RRAGC: variants seen among roughly 807,000 people sequenced by gnomAD.
RRAGC encodes ras-related GTP-binding protein C.
Under a neutral mutation model 37.1 loss-of-function variants are expected in RRAGC, and 8 were observed. The ratio of observed to expected loss-of-function variants is 0.22; its 90% CI spans 0.13 to 0.39. The LOEUF is 0.39. Among genes scored for constraint, RRAGC ranks in the 10% least tolerant of loss-of-function variants. The pLI, the probability that RRAGC is intolerant of heterozygous loss-of-function variation, is 1.00. For missense variants in RRAGC, 342 were observed against 497.6 expected (o/e 0.69, Z 2.98); for synonymous variants, 190 against 181.1 (o/e 1.05, Z -0.39).
Position 38,859,400 on chromosome 1 carries a change from C to A in RRAGC, c.237+10G>T. 1 of 1,547,204 alleles carries A rather than the reference C, an allele frequency of 6.5e-7. No homozygotes were observed. The highest frequency in any genetic ancestry group is 8.7e-7 in the Non-Finnish European group (1 of 1,145,848). On this transcript the variant is annotated intron_variant, in intron 1 of 6. Coordinates refer to ENST00000373001, the MANE Select transcript of RRAGC (RefSeq NM_022157.4). ...GGAGGGGGCGGGGGACTGGGCGCAG[C>A]CCTGCTCACCTTCTGGATGGAGGAC...
intron 6 of RRAGC, among the ~76,000 whole-genome samples, chr1:38,841,818 CAAAAT>C (rs1641967109): frequency 6.6e-6 from 1 of 152,022 alleles, no homozygotes; most frequent in South Asian, 2.1e-4. Context: ...ATTCCCATCT[CAAAAT>C]AAAAACACAA....
chr1:38,850,792 G>A (rs1642092023), intron 5 of RRAGC, among the ~76,000 whole-genome samples: 1 of 151,884 alleles, frequency 6.6e-6, no homozygotes, highest in South Asian at 2.1e-4. Flanking sequence ...ATATACCAGG[G>A]GAATCTAGGA....
chr1:38,843,481 G>A (rs568727506), intron 6 of RRAGC, among the ~76,000 whole-genome samples: 4 of 152,252 alleles, frequency 2.6e-5, no homozygotes, highest in African/African-American at 9.6e-5. Flanking sequence ...AGCACTTTGG[G>A]AGGCCGAGGC....
intron 6 of RRAGC, 63 bp from the exon 7 acceptor site, chr1:38,839,767 G>T (rs1482405839): frequency 9.8e-6 from 15 of 1,535,708 alleles, no homozygotes; most frequent in Non-Finnish European, 1.3e-5. Context: ...TTATATTTGG[G>T]TTTGCAGCCA....
At chr1:38,857,870 G>C (rs1481183707) in intron 1 of RRAGC, among the ~76,000 whole-genome samples, 2 of 152,082 alleles carry the variant, frequency 1.3e-5, no homozygotes, top group Admixed American at 6.5e-5. Context: ...TGAGGCAGGA[G>C]AATCACTTGA....
intron 3 of RRAGC, among the ~76,000 whole-genome samples, chr1:38,854,730 C>T (rs1642146318): frequency 1.3e-5 from 2 of 152,064 alleles, no homozygotes; most frequent in Admixed American, 6.6e-5. Context: ...TGAGACTTTT[C>T]GACATGGTTT....
rs140692971 is a variant in RRAGC, at chr1:38,850,133, G to C, written c.899+1482C>G. Among the ~76,000 whole-genome samples, 456 of 152,126 alleles carry C rather than the reference G, an allele frequency of 3.0e-3. 4 individuals are homozygous for C. Among genetic ancestry groups the C allele is most frequent in the African/African-American group, 0.011 (440 of 41,492 alleles). ...ACGCAGGAGAATCGTTTGAACCCAG[G>C]AGGCGGAGATTGCAGTGAGCTGAGA... On this transcript the variant is annotated intron_variant, in intron 5 of 6. Coordinates refer to ENST00000373001, the MANE Select transcript of RRAGC (RefSeq NM_022157.4).
intron 3 of RRAGC, among the ~76,000 whole-genome samples, chr1:38,855,282 CTG>C (rs1458085339): frequency 1.1e-4 from 17 of 152,340 alleles, no homozygotes; most frequent in Middle Eastern, 3.4e-3. Context: ...AGTGCACTCT[CTG>C]TATAAGGCTG....
intron 6 of RRAGC, among the ~76,000 whole-genome samples, chr1:38,844,147 C>T (rs938495692): frequency 4.6e-5 from 7 of 152,110 alleles, no homozygotes; most frequent in African/African-American, 1.7e-4. Context: ...AAGGTATCTA[C>T]ACTTGGACAG....
chr1:38,842,683 T>C (rs1641979071), intron 6 of RRAGC, among the ~76,000 whole-genome samples: 1 of 152,216 alleles, frequency 6.6e-6, no homozygotes, highest in African/African-American at 2.4e-5. Context: ...CCTAGAGAAA[T>C]TCTCCACACG....
chr1:38,859,300 C>G (rs760954234), intron 1 of RRAGC, 110 bp downstream of exon 1: 10 of 1,013,340 alleles, frequency 9.9e-6, no homozygotes, highest in Non-Finnish European at 1.3e-5. Context: ...AGAGAAAGTG[C>G]GGAGGGACGG....
At chr1:38,857,146 C>A in intron 1 of RRAGC, 64 bp from the exon 2 acceptor site, 1 of 1,338,478 alleles carries the variant, frequency 7.5e-7, no homozygotes, top group South Asian at 1.3e-5. Context: ...TAAAATTCCA[C>A]CCTGGTTTAA....
chr1:38,856,788 T>G (rs1642172537), intron 2 of RRAGC, 91 bp downstream of exon 2: 11 of 1,268,994 alleles, frequency 8.7e-6, no homozygotes, highest in Non-Finnish European at 1.2e-5. Context: ...AGAGATAAGC[T>G]GCAACCACAT....
In RRAGC at chr1:38,839,722, A is replaced by C; in HGVS notation, c.1049-18T>G. 2 of 1,612,544 alleles carry C rather than the reference A, an allele frequency of 1.2e-6. No homozygotes were observed. The highest frequency in any genetic ancestry group is 1.7e-6 in the Non-Finnish European group (2 of 1,178,966). ...TATTAAACCTGCAGGAAGGAAAAAG[A>C]AAAGAATGCCTCCTGAATTGTCAAT... On this transcript the variant is annotated intron_variant, in intron 6 of 6. Coordinates refer to ENST00000373001, the MANE Select transcript of RRAGC (RefSeq NM_022157.4).
Position 38,859,607 on chromosome 1 carries a change from C to G in RRAGC, c.40G>C (p.Gly14Arg). 2 of 1,564,570 alleles carry G rather than the reference C, an allele frequency of 1.3e-6. No individual in the cohort carries two copies. Among genetic ancestry groups the G allele is most frequent in the Non-Finnish European group, 1.7e-6 (2 of 1,155,854 alleles). Residue 14 changes from glycine to arginine, a missense_variant, in exon 1 of 7, where the codon GGC (glycine) becomes CGC (arginine). By Grantham distance (125) the Gly-to-Arg change is moderately radical. Around this residue, in one of 3 missense-constraint regions of RRAGC, gnomAD observed 104 missense variants for 93.4 expected, o/e 1.11. Transcript: ENST00000373001. ...QYGAEETPLAGSYGAADSFPK... is the reference protein window; with the variant it reads ...QYGAEETPLARSYGAADSFPK... ...AACGAATCGGCCGCGCCGTAACTGC[C>G]GGCGAGGGGCGTCTCCTCCGCCCCG...
chr1:38,846,133 C>T lies in RRAGC; in HGVS notation c.900-46G>A, dbSNP rs762727739. The T allele has an allele frequency of 2.1e-5, 30 of 1,448,044 alleles. No individual in the cohort carries two copies. The East Asian group carries it at 6.7e-4, about 32-fold the overall frequency. 89.7% of individuals were successfully genotyped at this position (1,448,044 alleles called of 1,614,324 possible). On this transcript the variant is annotated intron_variant, in intron 5 of 6. Transcript: ENST00000373001. Reference sequence around the variant, plus strand: ...ATTCATTACAGGTTTCCCATCTAGGCATCTGCCACATTTAATCTGCACAAT... The same window carrying T: ...ATTCATTACAGGTTTCCCATCTAGGTATCTGCCACATTTAATCTGCACAAT...
At chr1:38,855,092 A>T (rs1365330356) in intron 3 of RRAGC, among the ~76,000 whole-genome samples, 1 of 152,236 alleles carries the variant, frequency 6.6e-6, no homozygotes, top group Non-Finnish European at 1.5e-5. Context: ...CTCTAAATTT[A>T]ATAGCAGCCT....
At chr1:38,857,654 A>T (rs968273809) in intron 1 of RRAGC, among the ~76,000 whole-genome samples, 1 of 152,232 alleles carries the variant, frequency 6.6e-6, no homozygotes, top group Non-Finnish European at 1.5e-5. Flanking sequence ...ACGTAAAGGC[A>T]ATTGTTAAGA....
In RRAGC at chr1:38,856,869, T is replaced by C; in HGVS notation, c.441+10A>G. ...CACCAGGAAAGAGGAGTAAACACATTACTGACTACCTGTGCGTCAATGACG... is the reference window on the plus strand; with the variant it reads ...CACCAGGAAAGAGGAGTAAACACATCACTGACTACCTGTGCGTCAATGACG... On this transcript the variant is annotated intron_variant, in intron 2 of 6. Transcript: ENST00000373001. 4 of 1,612,782 alleles carry C rather than the reference T, an allele frequency of 2.5e-6. No individual in the cohort carries two copies. The highest frequency in any genetic ancestry group is 1.7e-4 in the Middle Eastern group (1 of 6,056).
Sources: gnomAD v4.1 joint callset for allele counts (sites outside exome capture counted in the v4.1 genomes callset) on GRCh38, gnomAD v4.1.1 for gene constraint, gnomAD v4.1.1 regional missense constraint, MANE v1.5 for transcripts, NCBI Gene and HGNC (gene_info 2026-07-23, HGNC 2026-07-21) for gene names.